Variants in EPG5 observed in about 807,000 individuals in gnomAD.
EPG5 encodes ectopic P-granules 5 autophagy tethering factor, also known as ectopic P granules protein 5 homolog.
EPG5 carries 159 observed loss-of-function variants against 302.7 expected under a neutral mutation model. The ratio of observed to expected loss-of-function variants is 0.53; its 90% CI spans 0.46 to 0.60. The LOEUF is 0.60. Ranked by LOEUF, EPG5 falls within the 20% of genes least tolerant of loss-of-function variation. EPG5 has a pLI of 0.00. For synonymous variants in EPG5, 1,158 were observed against 1,136.8 expected, an observed-to-expected ratio of 1.02 and a Z score of -0.37; for missense variants, 2,896 against 3,092.4, an observed-to-expected ratio of 0.94 and a Z score of 1.51.
At chr18:45,932,472 A>G (rs1425832677) in intron 11 of EPG5, among the ~76,000 whole-genome samples, 1 of 152,318 alleles carries the variant, frequency 6.6e-6, no homozygotes, top group East Asian at 1.9e-4. Flanking sequence ...TGTTCCCTGG[A>G]AACTGATTTC....
intron 1 of EPG5, among the ~76,000 whole-genome samples, chr18:45,961,680 G>A (rs1444773684): frequency 1.3e-5 from 2 of 152,052 alleles, no homozygotes; most frequent in Non-Finnish European, 2.9e-5. Flanking sequence ...GGCCAACATG[G>A]CAAAACCTCT....
intron 27 of EPG5, among the ~76,000 whole-genome samples, chr18:45,897,893 A>G (rs2049515905): frequency 6.6e-6 from 1 of 152,218 alleles, no homozygotes; most frequent in African/African-American, 2.4e-5. Flanking sequence ...AATTTCTGAA[A>G]GACAAACAAG....
chr18:45,915,060 C>T (rs977611199), intron 20 of EPG5, among the ~76,000 whole-genome samples: 3 of 152,034 alleles, frequency 2.0e-5, no homozygotes, highest in Non-Finnish European at 4.4e-5. Flanking sequence ...GGGCGGATCA[C>T]CTGAGGTGAG....
chr18:45,915,628 C>T lies in EPG5; in HGVS notation c.3583-7G>A, dbSNP rs1372657836. The T allele has an allele frequency of 2.5e-6, 4 of 1,607,292 alleles. No individual in the cohort carries two copies. The highest frequency in any genetic ancestry group is 1.3e-5 in the African/African-American group (1 of 74,818). ...AGTGGTAACCCAAGGCATTCTACAC[C>T]GGGAGATGTGGAGCAGAGAGAGGAG... On this transcript the variant is annotated splice_region_variant and splice_polypyrimidine_tract_variant and intron_variant, in intron 19 of 43. Transcript: ENST00000282041.
At chr18:45,961,220 A>G (rs932539028) in intron 1 of EPG5, among the ~76,000 whole-genome samples, 1 of 152,154 alleles carries the variant, frequency 6.6e-6, no homozygotes, top group Non-Finnish European at 1.5e-5. Flanking sequence ...CTTACAGTCT[A>G]TTCTCCAAAA....
intron 8 of EPG5, 146 bp from the exon 9 acceptor site, chr18:45,943,457 T>C: frequency 5.9e-6 from 4 of 676,434 alleles, no homozygotes; most frequent in Non-Finnish European, 9.9e-6. Flanking sequence ...CATATCAACA[T>C]GAAATGGGAA....
chr18:45,837,682 C>A, the EPG5 span: 3 of 1,481,982 alleles, frequency 2.0e-6, no homozygotes, highest in African/African-American at 4.4e-5. Context: ...AGGTGTTCCG[C>A]TGCGCTGCGG....
At chr18:45,870,514 C>G in intron 36 of EPG5, 53 bp downstream of exon 36, 1 of 1,533,556 alleles carries the variant, frequency 6.5e-7, no homozygotes, top group Non-Finnish European at 8.9e-7. Flanking sequence ...GACCAGGCTG[C>G]TCCCTAGAAG....
At position 45,936,485 on chromosome 18, in the gene EPG5, T is replaced by C. The variant is rs1413184358; in HGVS notation, c.2100-1519A>G. ...GCTCACGCCTGTAATCCCAACACTT[T>C]GGGAGGCTGAGGCGGGCAAATCACT... On this transcript the variant is annotated intron_variant, in intron 10 of 43. Transcript: ENST00000282041. Among the ~76,000 whole-genome samples the C allele has an allele frequency of 2.0e-5, 3 of 152,138 alleles. No individual in the cohort carries two copies. The East Asian group carries it at 5.8e-4, about 29-fold the overall frequency.
chr18:45,879,361 G>C (rs1370996620), intron 32 of EPG5, 147 bp from the exon 33 acceptor site: 1 of 623,566 alleles, frequency 1.6e-6, no homozygotes, highest in African/African-American at 1.9e-5. Context: ...ATAAATCAAT[G>C]GTTTTTTGTT....
chr18:45,912,508 C>T (rs758154176), intron 21 of EPG5, 52 bp from the exon 22 acceptor site: 7 of 1,516,532 alleles, frequency 4.6e-6, no homozygotes, highest in East Asian at 2.3e-5. Context: ...TAAATGCAAA[C>T]GGTTAACTCT....
At position 45,966,183 on chromosome 18, in the gene EPG5, T is replaced by C. The variant is rs537246481; in HGVS notation, c.63+994A>G. Among the ~76,000 whole-genome samples, 325 of 150,916 alleles carry C rather than the reference T, an allele frequency of 2.2e-3. 5 individuals carry two copies. Among genetic ancestry groups the C allele is most frequent in the African/African-American group, 3.4e-3 (140 of 41,076 alleles). On this transcript the variant is annotated intron_variant, in intron 1 of 43. Transcript: ENST00000282041. The stretch of plus-strand genomic sequence containing the variant: ...GTCAGGAGATCGAGACCATCCTGGC[T>C]AACACGGTGAAACCCCGTCTCTACT...
intron 4 of EPG5, among the ~76,000 whole-genome samples, chr18:45,950,114 T>A (rs2050872255): frequency 6.6e-6 from 1 of 152,204 alleles, no homozygotes; most frequent in South Asian, 2.1e-4. Context: ...AAGCATGACA[T>A]TAAATATCAC....
intron 10 of EPG5, among the ~76,000 whole-genome samples, chr18:45,938,821 C>T (rs1238624066): frequency 6.6e-6 from 1 of 152,178 alleles, no homozygotes; most frequent in Non-Finnish European, 1.5e-5. Flanking sequence ...CAGACCAAGA[C>T]TCAAACTTAC....
At chr18:45,906,104 G>C (rs143953990) in intron 24 of EPG5, among the ~76,000 whole-genome samples, 6 of 152,126 alleles carry the variant, frequency 3.9e-5, no homozygotes, top group African/African-American at 1.2e-4. Context: ...CTGAATTCTA[G>C]ATATATACCT....
chr18:45,929,119 T>C, intron 12 of EPG5, 110 bp from the exon 13 acceptor site: 1 of 1,120,920 alleles, frequency 8.9e-7, no homozygotes, highest in East Asian at 2.5e-5. Context: ...CATTGAGCCT[T>C]AATTGACACT....
chr18:45,875,115 G>A (rs892586520), intron 35 of EPG5, among the ~76,000 whole-genome samples: 12 of 152,258 alleles, frequency 7.9e-5, no homozygotes, highest in Middle Eastern at 3.4e-3. Flanking sequence ...CTGGTAGCAC[G>A]GGAAACCCCA....
At chr18:45,846,941 T>G (rs1370008527), downstream of EPG5, among the ~76,000 whole-genome samples, 4 of 152,160 alleles carry the variant, frequency 2.6e-5, no homozygotes, top group Non-Finnish European at 5.9e-5. Context: ...CCCACAAAGA[T>G]GCCCACTGGT....
intron 27 of EPG5, among the ~76,000 whole-genome samples, chr18:45,896,269 A>G (rs1430114037): frequency 6.6e-6 from 1 of 152,262 alleles, no homozygotes; most frequent in African/African-American, 2.4e-5. Flanking sequence ...AGTCGATACT[A>G]TTATTGATAC....
Sources: gnomAD v4.1 joint callset for allele counts (sites outside exome capture counted in the v4.1 genomes callset) on GRCh38, gnomAD v4.1.1 for gene constraint, MANE v1.5 for transcripts, NCBI Gene and HGNC (gene_info 2026-07-23, HGNC 2026-07-21) for gene names.